Variants in FGFR1OP2 observed in about 807,000 individuals in gnomAD.
FGFR1OP2 encodes the protein FGFR1 oncogene partner 2.
FGFR1OP2 carries 17 observed loss-of-function variants against 35.2 expected under a neutral mutation model. That is an observed-to-expected ratio of 0.48 (90% CI 0.33 to 0.73). The LOEUF (loss-of-function observed/expected upper bound fraction) is 0.73. Ranked by LOEUF, FGFR1OP2 falls within the 30% of genes least tolerant of loss-of-function variation. The pLI is 0.02. For missense variants in FGFR1OP2, 251 were observed against 307.3 expected (o/e 0.82, Z 1.37); for synonymous variants, 105 against 104.6 (o/e 1.00, Z -0.03).
At chr12:26,962,612 T>C (rs930236884) in intron 5 of FGFR1OP2, 3 of 149,058 alleles carry the variant, frequency 2.0e-5, no homozygotes, top group African/African-American at 7.3e-5. Flanking sequence ...TGACAGTCTT[T>C]GTATTCCTGT....
At chr12:26,959,288 A>G (rs1939068822) in intron 4 of FGFR1OP2, among the ~76,000 whole-genome samples, 1 of 152,216 alleles carries the variant, frequency 6.6e-6, no homozygotes, top group African/African-American at 2.4e-5. Flanking sequence ...AAATTTAACT[A>G]TTGTTAATGA....
chr12:26,939,994 T>C (rs1938703868), intron 1 of FGFR1OP2, among the ~76,000 whole-genome samples: 2 of 152,244 alleles, frequency 1.3e-5, no homozygotes, highest in Non-Finnish European at 2.9e-5. Flanking sequence ...ATTGGACTTT[T>C]AGTAATTGTT....
In FGFR1OP2 at chr12:26,954,125, G is replaced by A; in HGVS notation, c.-14-20G>A. 1 of 1,520,854 alleles carries A rather than the reference G, an allele frequency of 6.6e-7. No homozygotes were observed. 94.2% of individuals were successfully genotyped at this position (1,520,854 alleles called of 1,614,324 possible). A position where few individuals can be genotyped will look rare whatever the true frequency, so the allele number is the denominator to read the frequency against. ...ATATGTTGACTTTATTTTGAGTCTT[G>A]ATTTTAATTTTAATTATAGATATAT... On this transcript the variant is annotated intron_variant, in intron 1 of 6. Transcript: ENST00000229395.
chr12:26,958,402 A>C (rs1939055688), intron 4 of FGFR1OP2, among the ~76,000 whole-genome samples: 1 of 152,214 alleles, frequency 6.6e-6, no homozygotes, highest in Admixed American at 6.5e-5. Context: ...TTTTCTAATA[A>C]ATTTGTGTAT....
intron 1 of FGFR1OP2, among the ~76,000 whole-genome samples, chr12:26,942,388 C>T (rs371571667): frequency 1.9e-4 from 29 of 152,342 alleles, no homozygotes; most frequent in African/African-American, 6.7e-4. Context: ...CACTTGTCCT[C>T]TTGCCCAAAT....
chr12:26,950,213 GTTTTTTTTTT>G (rs1174799685), intron 1 of FGFR1OP2, among the ~76,000 whole-genome samples: 11 of 50,944 alleles, frequency 2.2e-4, no homozygotes, highest in African/African-American at 5.7e-4. Context: ...TGTATTCGTT[GTTTTTTTTTT>G]TTTTTTTTTT....
At chr12:26,952,575 G>A (rs1006559313) in intron 1 of FGFR1OP2, among the ~76,000 whole-genome samples, 5 of 151,962 alleles carry the variant, frequency 3.3e-5, no homozygotes, top group East Asian at 1.9e-4. Flanking sequence ...CTAAATTGGC[G>A]ATTTAAATAA....
chr12:26,959,575 A>G (rs1939072957), intron 4 of FGFR1OP2, among the ~76,000 whole-genome samples: 1 of 152,148 alleles, frequency 6.6e-6, no homozygotes, highest in Admixed American at 6.5e-5. Flanking sequence ...TTCCTAAAAT[A>G]TATTAGATTT....
At position 26,956,576 on chromosome 12, in the gene FGFR1OP2, G is replaced by C. The variant is rs781405431; in HGVS notation, c.169G>C (p.Ala57Pro). Residue 57 changes from alanine to proline, a missense_variant, in exon 3 of 7, where the codon GCG (alanine) becomes CCG (proline). Physicochemically the swap from Ala to Pro is conservative, Grantham distance 27. Coordinates refer to ENST00000229395, the MANE Select transcript of FGFR1OP2 (RefSeq NM_015633.3). Reference protein sequence around the residue: ...QEEIQELNEVARHRPRSTLVM... With the variant: ...QEEIQELNEVPRHRPRSTLVM... ...AGAAATTCAAGAACTTAATGAAGTC[G>C]CGAGACATCGGCCACGGTCCACGTT... is the stretch of plus-strand genomic sequence containing the variant. 1 of 1,589,640 alleles carries C rather than the reference G, an allele frequency of 6.3e-7. No homozygotes were observed. Among genetic ancestry groups the C allele is most frequent in the Admixed American group, 1.8e-5 (1 of 56,958 alleles).
At chr12:26,953,180 C>T (rs7295544) in intron 1 of FGFR1OP2, among the ~76,000 whole-genome samples, 52,260 of 147,550 alleles carry the variant, frequency 0.35, 9,465 homozygotes, top group East Asian at 0.6. Flanking sequence ...AGGAAAATGG[C>T]GTGAACCTGG....
chr12:26,964,859 G>A lies in FGFR1OP2; in HGVS notation c.*126G>A. 2.1e-6 allele frequency: 2 copies of A among 941,962 alleles called. No homozygotes were observed. The highest frequency in any genetic ancestry group is 1.6e-5 in the African/African-American group (1 of 60,964). 58.4% of individuals were successfully genotyped at this position (941,962 alleles called of 1,614,324 possible). On this transcript the variant is annotated 3_prime_UTR_variant, in exon 7 of 7. Coordinates refer to ENST00000229395, the MANE Select transcript of FGFR1OP2 (RefSeq NM_015633.3). ...AATATGTACAGTGCACGGGCTATGA[G>A]ATAGCAACAAAAAATGCATAGTTAA...
At chr12:26,950,213 G>GTTGTTTTTTTTTTTTTTTTTT (rs1938898866) in intron 1 of FGFR1OP2, among the ~76,000 whole-genome samples, 7 of 50,942 alleles carry the variant, frequency 1.4e-4, no homozygotes, top group African/African-American at 5.7e-4. Context: ...TGTATTCGTT[G>GTTGTTTTTTTTTTTTTTTTTT]TTTTTTTTTT....
At chr12:26,943,785 G>T (rs1224103757) in intron 1 of FGFR1OP2, among the ~76,000 whole-genome samples, 4 of 152,084 alleles carry the variant, frequency 2.6e-5, no homozygotes, top group Non-Finnish European at 5.9e-5. Context: ...AGATCGTACC[G>T]CTGCACTCCA....
intron 6 of FGFR1OP2, 70 bp downstream of exon 6, chr12:26,963,525 T>C (rs1401207197): frequency 1.0e-6 from 1 of 962,706 alleles, no homozygotes; most frequent in East Asian, 2.7e-5. Context: ...ATATATCCCA[T>C]TTTTAAATAT....
chr12:26,952,180 G>C (rs556203290), intron 1 of FGFR1OP2, among the ~76,000 whole-genome samples: 3 of 150,570 alleles, frequency 2.0e-5, no homozygotes, highest in Non-Finnish European at 4.4e-5. Context: ...GGATTAATGG[G>C]AGTTATAGTG....
At chr12:26,962,586 A>G (rs1193321831) in intron 5 of FGFR1OP2, 1 of 152,054 alleles carries the variant, frequency 6.6e-6, no homozygotes, top group Non-Finnish European at 1.5e-5. Context: ...GCTTCTTCAG[A>G]TCAGGGGACA....
At chr12:26,957,883 G>T in intron 4 of FGFR1OP2, 140 bp downstream of exon 4, 1 of 608,722 alleles carries the variant, frequency 1.6e-6, no homozygotes, top group Non-Finnish European at 2.5e-6. Flanking sequence ...CTTTTTAATT[G>T]ACATTTTCTC....
intron 5 of FGFR1OP2, chr12:26,961,180 A>G (rs895551811): frequency 3.3e-5 from 5 of 152,328 alleles, no homozygotes; most frequent in African/African-American, 9.7e-5. Flanking sequence ...GGAGTTAGAA[A>G]TGAAAGACAT....
At chr12:26,958,205 A>G (rs1431859598) in intron 4 of FGFR1OP2, among the ~76,000 whole-genome samples, 1 of 152,106 alleles carries the variant, frequency 6.6e-6, no homozygotes, top group Non-Finnish European at 1.5e-5. Flanking sequence ...TTCAAAAAGT[A>G]AAAAAATTAG....
Sources: allele counts gnomAD v4.1 joint callset (sites outside exome capture counted in the v4.1 genomes callset), GRCh38; gene constraint gnomAD v4.1.1; transcripts MANE v1.5; gene names NCBI Gene and HGNC (gene_info 2026-07-23, HGNC 2026-07-21).